The following EDARADD variants were observed in gnomAD, a reference collection of about 807,000 sequenced individuals.
EDARADD encodes EDAR associated via death domain, also known as ectodysplasin-A receptor-associated adapter protein.
EDARADD carries 20 observed loss-of-function variants against 25.6 expected under a neutral mutation model. That is an observed-to-expected ratio of 0.78 (90% CI 0.55 to 1.14). EDARADD has a LOEUF of 1.14. EDARADD is among the 50% of genes most tolerant of loss of function. The probability of loss-of-function intolerance (pLI) is 0.00; values close to 1 mark genes in which losing one functional copy is unlikely to be tolerated. For missense variants in EDARADD, 225 were observed against 270.1 expected (o/e 0.83, Z 1.17); for synonymous variants, 86 against 94.4 (o/e 0.91, Z 0.52).
intron 5 of EDARADD, among the ~76,000 whole-genome samples, chr1:236,471,385 C>T (rs201142489): frequency 2.7e-5 from 4 of 147,044 alleles, no homozygotes; most frequent in Non-Finnish European, 5.9e-5. Context: ...TGTGTGTGTG[C>T]GCGCCCCAAA....
intron 4 of EDARADD, among the ~76,000 whole-genome samples, chr1:236,428,025 G>T (rs975581229): frequency 2.6e-5 from 4 of 151,516 alleles, no homozygotes; most frequent in Admixed American, 6.6e-5. Flanking sequence ...CAGAGAGGGG[G>T]ATTTGGCAGG....
intron 1 of EDARADD, among the ~76,000 whole-genome samples, chr1:236,397,152 G>T (rs1376001609): frequency 6.6e-6 from 1 of 152,120 alleles, no homozygotes; most frequent in Non-Finnish European, 1.5e-5. Context: ...GCTCAGGCCT[G>T]TAATGCCAGC....
At chr1:236,363,032 T>TATATATATATATAA (rs1377522241) in intron 3 of EDARADD, among the ~76,000 whole-genome samples, 3 of 109,986 alleles carry the variant, frequency 2.7e-5, no homozygotes. Context: ...TATATATATA[T>TATATATATATATAA]AAAATTTGTG....
chr1:236,449,978 G>A (rs549920791), intron 4 of EDARADD, among the ~76,000 whole-genome samples: 2 of 152,204 alleles, frequency 1.3e-5, no homozygotes, highest in East Asian at 3.9e-4. Context: ...GTGTGCGCCT[G>A]TAATCCCAGC....
chr1:236,439,200 T>A (rs1658339781), intron 4 of EDARADD, among the ~76,000 whole-genome samples: 1 of 152,252 alleles, frequency 6.6e-6, no homozygotes, highest in Non-Finnish European at 1.5e-5. Context: ...TGTTTAGTGC[T>A]TAATAATATT....
intron 4 of EDARADD, among the ~76,000 whole-genome samples, chr1:236,448,961 A>C (rs1658636984): frequency 6.6e-6 from 1 of 152,184 alleles, no homozygotes; most frequent in Non-Finnish European, 1.5e-5. Context: ...TCGGAGGCTC[A>C]AACAACAGAG....
rs1343921351 is a variant in EDARADD at position 236,482,915 on chromosome 1, A to G, written c.*266A>G. 1.1e-5 allele frequency: 7 copies of G among 610,746 alleles called. No individual in the cohort carries two copies. The Admixed American group carries it at 2.1e-4, about 18-fold the overall frequency. 37.8% of individuals were successfully genotyped at this position (610,746 alleles called of 1,614,324 possible). On this transcript the variant is annotated 3_prime_UTR_variant, in exon 6 of 6. Transcript: ENST00000334232. The stretch of plus-strand genomic sequence containing the variant: ...AGTATCCTCTAAGGGCCAAAGTCCT[A>G]CAATCGGAATGGATTCATGCCACGT...
intron 3 of EDARADD, among the ~76,000 whole-genome samples, chr1:236,352,871 G>A (rs1666933005): frequency 6.6e-6 from 1 of 151,988 alleles, no homozygotes; most frequent in Non-Finnish European, 1.5e-5. Context: ...TAAGCCAGGT[G>A]CAGTGGTGTG....
chr1:236,393,801 T>G (rs1449497407), upstream of EDARADD, among the ~76,000 whole-genome samples: 1 of 152,200 alleles, frequency 6.6e-6, no homozygotes, highest in Non-Finnish European at 1.5e-5. Flanking sequence ...GGAACTCTGG[T>G]GAATGCGAAT....
intron 4 of EDARADD, among the ~76,000 whole-genome samples, chr1:236,452,895 A>G (rs747249240): frequency 1.2e-4 from 19 of 152,322 alleles, no homozygotes; most frequent in Admixed American, 8.5e-4. Flanking sequence ...TCTCCGCCGT[A>G]TAGCTACGTA....
intron 3 of EDARADD, among the ~76,000 whole-genome samples, chr1:236,423,835 G>A (rs1657840571): frequency 6.6e-6 from 1 of 152,184 alleles, no homozygotes; most frequent in Admixed American, 6.6e-5. Flanking sequence ...GCTAGATGCG[G>A]TGGCTCACAC....
chr1:236,411,875 A>G (rs1657496347), intron 2 of EDARADD, among the ~76,000 whole-genome samples: 1 of 152,138 alleles, frequency 6.6e-6, no homozygotes, highest in Admixed American at 6.6e-5. Context: ...TAAAGATACC[A>G]ATCATATTGG....
At chr1:236,425,012 CAA>C (rs1403392504) in intron 3 of EDARADD, among the ~76,000 whole-genome samples, 1 of 152,162 alleles carries the variant, frequency 6.6e-6, no homozygotes, top group Non-Finnish European at 1.5e-5. Flanking sequence ...AGGTTACGAG[CAA>C]AGTGTTGGGA....
rs74961339 is a variant in EDARADD at position 236,419,217 on chromosome 1, A to G, written c.160+4918A>G. On this transcript the variant is annotated intron_variant, in intron 3 of 5. Transcript: ENST00000334232. Reference sequence around the variant, plus strand: ...GCCTGAGCAACATAGTGAGACTCCTATCGCTCCAAAAAGAAAAAAAAAGTT... The same window carrying G: ...GCCTGAGCAACATAGTGAGACTCCTGTCGCTCCAAAAAGAAAAAAAAAGTT... Among the ~76,000 whole-genome samples the G allele has an allele frequency of 3.3e-3, 501 of 152,084 alleles. 2 individuals are homozygous for G. Among genetic ancestry groups the G allele is most frequent in the African/African-American group, 0.012 (481 of 41,500 alleles).
intron 4 of EDARADD, among the ~76,000 whole-genome samples, chr1:236,429,200 G>C (rs547410339): frequency 1.8e-4 from 26 of 146,766 alleles, no homozygotes; most frequent in Middle Eastern, 3.4e-3. Flanking sequence ...GAGAGGGAGC[G>C]GGAGCGGGAG....
At position 236,483,288 on chromosome 1, in the gene EDARADD, G is replaced by A. The variant is rs1329832261; in HGVS notation, c.*639G>A. The A allele has an allele frequency of 1.2e-6, 2 of 1,600,274 alleles. No homozygotes were observed. Among genetic ancestry groups the A allele is most frequent in the African/African-American group, 1.3e-5 (1 of 74,648 alleles). The stretch of plus-strand genomic sequence containing the variant: ...TGCTGTGCCCAGTGGTGCTTCAACT[G>A]GTATCTATGAGGTCCTAGAGCTCCA... On this transcript the variant is annotated 3_prime_UTR_variant, in exon 6 of 6. Coordinates refer to ENST00000334232, the MANE Select transcript of EDARADD (RefSeq NM_145861.4).
At chr1:236,467,029 G>A (rs1659213246) in intron 4 of EDARADD, among the ~76,000 whole-genome samples, 1 of 151,800 alleles carries the variant, frequency 6.6e-6, no homozygotes, top group Non-Finnish European at 1.5e-5. Context: ...TTGTGCCACT[G>A]CACTCCAGCC....
In EDARADD at chr1:236,483,373, A is replaced by G. The variant is rs151018330; in HGVS notation, c.*724A>G. ...GTCTCAAAGCCTGTTGAGCCCATCAATAAAACTATTGCACCTGTCCTGGTT... is the reference window on the plus strand; with the variant it reads ...GTCTCAAAGCCTGTTGAGCCCATCAGTAAAACTATTGCACCTGTCCTGGTT... On this transcript the variant is annotated 3_prime_UTR_variant, in exon 6 of 6. Coordinates refer to ENST00000334232, the MANE Select transcript of EDARADD (RefSeq NM_145861.4). 1.4e-5 allele frequency: 20 copies of G among 1,467,460 alleles called. No homozygotes were observed. The African/African-American group carries it at 1.8e-4, about 13-fold the overall frequency. The allele number at this position is 1,467,460 out of a possible 1,614,324, so 90.9% of individuals were successfully genotyped here. A position where few individuals can be genotyped will look rare whatever the true frequency, so the allele number is the denominator to read the frequency against.
intron 3 of EDARADD, among the ~76,000 whole-genome samples, chr1:236,385,647 C>T (rs1011153635): frequency 3.9e-5 from 6 of 151,958 alleles, no homozygotes; most frequent in Admixed American, 3.3e-4. Flanking sequence ...TTACTTGAGC[C>T]CAGGAGACAG....
Sources: gnomAD v4.1 joint callset for allele counts (sites outside exome capture counted in the v4.1 genomes callset) on GRCh38, gnomAD v4.1.1 for gene constraint, MANE v1.5 for transcripts, NCBI Gene and HGNC (gene_info 2026-07-23, HGNC 2026-07-21) for gene names.